Variants in PARVA observed in about 807,000 individuals in gnomAD.
The protein encoded by PARVA is alpha-parvin.
Under a neutral mutation model 52.6 loss-of-function variants are expected in PARVA, and 25 were observed. The ratio of observed to expected loss-of-function variants is 0.48; its 90% CI spans 0.35 to 0.66. PARVA has a LOEUF of 0.66. PARVA is among the 30% of genes least tolerant of loss of function. PARVA has a pLI of 0.01. For missense variants in PARVA, 373 were observed against 450.9 expected, an observed-to-expected ratio of 0.83 and a Z score of 1.56; for synonymous variants, 185 against 179.1, an observed-to-expected ratio of 1.03 and a Z score of -0.26.
intron 9 of PARVA, 137 bp downstream of exon 9, chr11:12,513,497 C>A: frequency 1.2e-6 from 1 of 809,422 alleles, no homozygotes; most frequent in East Asian, 2.5e-5. Flanking sequence ...GGGCTTTCCC[C>A]CTTGCCATCC....
intron 1 of PARVA, among the ~76,000 whole-genome samples, chr11:12,383,465 T>G (rs1239755422): frequency 2.0e-5 from 3 of 152,230 alleles, no homozygotes; most frequent in Admixed American, 2.0e-4. Flanking sequence ...ACCTGAGGTA[T>G]CCAATGAAGG....
intron 1 of PARVA, among the ~76,000 whole-genome samples, chr11:12,426,849 C>T (rs1940241817): frequency 6.6e-6 from 1 of 152,082 alleles, no homozygotes; most frequent in Non-Finnish European, 1.5e-5. Context: ...TTCAGCAGTC[C>T]AGGTAAGAGG....
chr11:12,436,365 C>T (rs1940388921), intron 1 of PARVA, among the ~76,000 whole-genome samples: 1 of 152,124 alleles, frequency 6.6e-6, no homozygotes, highest in Admixed American at 6.5e-5. Context: ...TGGTCTCAGA[C>T]TACGGAAACT....
intron 4 of PARVA, among the ~76,000 whole-genome samples, chr11:12,494,843 C>G (rs866283790): frequency 6.6e-6 from 1 of 152,188 alleles, no homozygotes; most frequent in African/African-American, 2.4e-5. Context: ...CCCCACCCAA[C>G]CCTCTCTCAC....
chr11:12,430,452 C>T (rs532581225), intron 1 of PARVA, among the ~76,000 whole-genome samples: 1 of 152,198 alleles, frequency 6.6e-6, no homozygotes, highest in African/African-American at 2.4e-5. Context: ...AAAGTCTCCT[C>T]TTTGGGTGAG....
chr11:12,380,961 T>C (rs1168843139), intron 1 of PARVA, among the ~76,000 whole-genome samples: 1 of 152,210 alleles, frequency 6.6e-6, no homozygotes, highest in Non-Finnish European at 1.5e-5. Context: ...CTTATTTTCA[T>C]CCCTGTTATA....
chr11:12,490,040 C>G (rs999856908), intron 4 of PARVA, among the ~76,000 whole-genome samples: 3 of 151,576 alleles, frequency 2.0e-5, no homozygotes, highest in Non-Finnish European at 4.4e-5. Flanking sequence ...CATGGTGAAA[C>G]CCCGTCTCTA....
At chr11:12,473,592 G>A (rs968770240) in intron 1 of PARVA, among the ~76,000 whole-genome samples, 153 bp from the exon 2 acceptor site, 14 of 152,158 alleles carry the variant, frequency 9.2e-5, no homozygotes, top group African/African-American at 3.1e-4. Flanking sequence ...TCAGCCAGGC[G>A]AGGCCATGAA....
chr11:12,513,508 A>C lies in PARVA; in HGVS notation c.798+148A>C, dbSNP rs754578858. ...CACAGGGCTTTCCCCCTTGCCATCC[A>C]TGTACCTGTCTGTTCCTCACTGGAT... On this transcript the variant is annotated intron_variant, in intron 9 of 12. Transcript: ENST00000334956. 5.4e-5 allele frequency: 42 copies of C among 781,610 alleles called. No homozygotes were observed. The African/African-American group carries it at 7.1e-4, about 13-fold the overall frequency. The allele number at this position is 781,610 out of a possible 1,614,324, so 48.4% of individuals were successfully genotyped here.
At chr11:12,377,836 G>C in intron 1 of PARVA, 53 bp downstream of exon 1, 5 of 1,372,934 alleles carry the variant, frequency 3.6e-6, no homozygotes, top group Non-Finnish European at 3.8e-6. Context: ...GGTGCCGTAG[G>C]GGCCGAGGGG....
At chr11:12,484,504 G>GGTGTGTGTGTGTGTGTGTGTGT (rs35501237) in intron 4 of PARVA, among the ~76,000 whole-genome samples, 19 of 144,584 alleles carry the variant, frequency 1.3e-4, no homozygotes, top group African/African-American at 4.8e-4. Flanking sequence ...GTTTTGTTTT[G>GGTGTGTGTGTGTGTGTGTGTGT]GTGTGTGTGT....
At chr11:12,406,816 A>G (rs1022067962) in intron 1 of PARVA, among the ~76,000 whole-genome samples, 4 of 151,456 alleles carry the variant, frequency 2.6e-5, no homozygotes, top group African/African-American at 7.3e-5. Flanking sequence ...GACTACAGGC[A>G]CCCGCCACCA....
chr11:12,466,584 A>G (rs1429327554), intron 1 of PARVA, among the ~76,000 whole-genome samples: 4 of 152,150 alleles, frequency 2.6e-5, no homozygotes, highest in Non-Finnish European at 5.9e-5. Context: ...GATTACAGGC[A>G]TAAGCCACCA....
chr11:12,378,245 T>C (rs1009957213), intron 1 of PARVA, among the ~76,000 whole-genome samples: 4 of 152,194 alleles, frequency 2.6e-5, no homozygotes, highest in African/African-American at 9.6e-5. Context: ...CCTTCATTGG[T>C]CCTTAAAATC....
At chr11:12,400,948 C>T (rs998803339) in intron 1 of PARVA, among the ~76,000 whole-genome samples, 2 of 152,114 alleles carry the variant, frequency 1.3e-5, no homozygotes, top group African/African-American at 4.8e-5. Context: ...TGGAGTCTGG[C>T]AATAAATGTT....
At chr11:12,519,345 C>G (rs1941610020) in intron 12 of PARVA, among the ~76,000 whole-genome samples, 1 of 152,196 alleles carries the variant, frequency 6.6e-6, no homozygotes, top group Non-Finnish European at 1.5e-5. Context: ...AAACCCCCAC[C>G]TAGTGGGGGC....
Position 12,381,556 on chromosome 11 carries a change from C to A in PARVA, c.136+3773C>A, listed in dbSNP as rs551526569. On this transcript the variant is annotated intron_variant, in intron 1 of 12. Transcript: ENST00000334956. ...ATGTGGGGGTTATGGACATTGACCCCCTGTACAGTCAAAAATCTGTGTATA... is the reference window on the plus strand; with the variant it reads ...ATGTGGGGGTTATGGACATTGACCCACTGTACAGTCAAAAATCTGTGTATA... Among the ~76,000 whole-genome samples, 3 of 152,214 alleles carry A rather than the reference C, an allele frequency of 2.0e-5. No homozygotes were observed. The East Asian group carries it at 5.8e-4, about 29-fold the overall frequency.
chr11:12,469,762 C>A (rs1022548090), intron 1 of PARVA, among the ~76,000 whole-genome samples: 2 of 152,206 alleles, frequency 1.3e-5, no homozygotes. Context: ...GCAAACATAT[C>A]TTGGCCTTTC....
intron 1 of PARVA, among the ~76,000 whole-genome samples, chr11:12,451,702 G>A (rs925536842): frequency 6.6e-6 from 1 of 152,194 alleles, no homozygotes; most frequent in African/African-American, 2.4e-5. Context: ...GCATTAGGCA[G>A]TAGGTATGAT....
Sources: gnomAD v4.1 joint callset for allele counts (sites outside exome capture counted in the v4.1 genomes callset) on GRCh38, gnomAD v4.1.1 for gene constraint, MANE v1.5 for transcripts, NCBI Gene and HGNC (gene_info 2026-07-23, HGNC 2026-07-21) for gene names.